The following SMARCAL1 variants were observed in gnomAD, a reference collection of about 807,000 sequenced individuals.
SMARCAL1 encodes ATP-driven annealing helicase.
SMARCAL1 carries 58 observed loss-of-function variants against 94.5 expected under a neutral mutation model. The observed-to-expected ratio is 0.61, with a 90% CI of 0.50 to 0.76. The LOEUF (loss-of-function observed/expected upper bound fraction) is 0.76. SMARCAL1 is among the 30% of genes least tolerant of loss of function. SMARCAL1 has a pLI of 0.00. For synonymous variants in SMARCAL1, 422 were observed against 455.1 expected, an observed-to-expected ratio of 0.93 and a Z score of 0.93; for missense variants, 1,051 against 1,177.9, an observed-to-expected ratio of 0.89 and a Z score of 1.58.
At chr2:216,449,084 C>T (rs966266424) in intron 11 of SMARCAL1, among the ~76,000 whole-genome samples, 7 of 152,170 alleles carry the variant, frequency 4.6e-5, no homozygotes, top group African/African-American at 1.7e-4. Flanking sequence ...TCTTGCTCTT[C>T]ATAACATGGC....
At chr2:216,459,425 C>T (rs1260788889) in intron 12 of SMARCAL1, among the ~76,000 whole-genome samples, 2 of 152,224 alleles carry the variant, frequency 1.3e-5, no homozygotes, top group Admixed American at 6.5e-5. Flanking sequence ...CACTACCTGA[C>T]TTCAAACTAT....
At chr2:216,478,039 A>AG (rs924130626) in intron 16 of SMARCAL1, among the ~76,000 whole-genome samples, 164 bp from the exon 17 acceptor site, 1 of 152,132 alleles carries the variant, frequency 6.6e-6, no homozygotes, top group African/African-American at 2.4e-5. Flanking sequence ...TACAAATGAG[A>AG]GGGGGCAAAT....
intron 4 of SMARCAL1, 45 bp downstream of exon 4, chr2:216,416,352 G>T: frequency 1.3e-6 from 2 of 1,527,608 alleles, no homozygotes; most frequent in South Asian, 2.2e-5. Flanking sequence ...CACTGGTGCT[G>T]AAAATCTTTA....
chr2:216,466,113 G>C (rs551970366), intron 13 of SMARCAL1, among the ~76,000 whole-genome samples: 1 of 152,286 alleles, frequency 6.6e-6, no homozygotes, highest in Admixed American at 6.5e-5. Flanking sequence ...TGGCAAGGGT[G>C]TGCGTTTCTC....
intron 10 of SMARCAL1, 73 bp downstream of exon 10, chr2:216,438,558 C>A: frequency 7.6e-7 from 1 of 1,316,888 alleles, no homozygotes. Flanking sequence ...TGCATGTCGT[C>A]CTAGTCCAGC....
chr2:216,426,455 T>A (rs1206578756), intron 6 of SMARCAL1, among the ~76,000 whole-genome samples: 1 of 152,170 alleles, frequency 6.6e-6, no homozygotes, highest in African/African-American at 2.4e-5. Flanking sequence ...TGGCCACAAA[T>A]AAGATTTTGC....
Position 216,414,654 on chromosome 2 carries a change from C to T in SMARCAL1, c.-51C>T. On this transcript the variant is annotated 5_prime_UTR_variant, in exon 3 of 18. It introduces an in-frame stop codon into an upstream open reading frame of the 5' UTR. Transcript: ENST00000357276. ...TCTTACTTTCTTCCACAGCTTTTGCCAACTTTCCAATTAAAGGTTGACATT... is the reference window on the plus strand; with the variant it reads ...TCTTACTTTCTTCCACAGCTTTTGCTAACTTTCCAATTAAAGGTTGACATT... 5.8e-6 allele frequency: 9 copies of T among 1,540,110 alleles called. No homozygotes were observed. The highest frequency in any genetic ancestry group is 8.1e-6 in the Non-Finnish European group (9 of 1,113,132).
Position 216,475,289 on chromosome 2 carries a change from C to T in SMARCAL1, c.2265C>T (p.Ile755=), listed in dbSNP as rs962202326. The part of the protein sequence containing the change: ...LERKHVQHIR[I]DGSTSSAERE... Reference sequence around the variant, plus strand: ...TGCAGCACGTGCAGCACATCCGCATCGATGGCTCCACCTCATCAGCTGAGC... The same window carrying T: ...TGCAGCACGTGCAGCACATCCGCATTGATGGCTCCACCTCATCAGCTGAGC... Residue 755 remains isoleucine, a synonymous_variant, in exon 15 of 18, where the codon ATC becomes ATT. Transcript: ENST00000357276. This position sits in a 1 kb window ranked among gnomAD's most constrained non-coding sequence, Gnocchi z 4.4. 12 of 1,614,204 alleles carry T rather than the reference C, an allele frequency of 7.4e-6. No homozygotes were observed. The highest frequency in any genetic ancestry group is 5.0e-5 in the Admixed American group (3 of 60,024).
intron 4 of SMARCAL1, among the ~76,000 whole-genome samples, chr2:216,416,985 C>T (rs1233147770): frequency 6.6e-6 from 1 of 152,226 alleles, no homozygotes; most frequent in Admixed American, 6.5e-5. Flanking sequence ...AGCTTGCACA[C>T]CTGTGTCAAA....
At position 216,475,556 on chromosome 2, in the gene SMARCAL1, C is replaced by T. The variant is rs1695056818; in HGVS notation, c.2427+105C>T. ...AAGTGTGGTTTCCCTTTTATCCATT[C>T]ATTATACTTCCCACAAGTCAGTTTT... is the stretch of plus-strand genomic sequence containing the variant. On this transcript the variant is annotated intron_variant, in intron 15 of 17. Transcript: ENST00000357276. This position sits in a 1 kb window ranked among gnomAD's most constrained non-coding sequence, Gnocchi z 4.4. The T allele has an allele frequency of 2.7e-6, 3 of 1,127,766 alleles. No homozygotes were observed. Among genetic ancestry groups the T allele is most frequent in the South Asian group, 2.5e-5 (2 of 79,830 alleles). 69.9% of individuals were successfully genotyped at this position (1,127,766 alleles called of 1,614,324 possible).
chr2:216,464,721 A>C, intron 13 of SMARCAL1, 54 bp downstream of exon 13: 3 of 1,234,914 alleles, frequency 2.4e-6, no homozygotes, highest in African/African-American at 1.6e-5. Context: ...AAAAAAAAAA[A>C]AACAACTTAT....
At chr2:216,472,780 T>C (rs1694995142) in intron 14 of SMARCAL1, among the ~76,000 whole-genome samples, 1 of 113,252 alleles carries the variant, frequency 8.8e-6, no homozygotes, top group Non-Finnish European at 1.9e-5. Flanking sequence ...TAGTGAAAAA[T>C]AAAATTTTTT....
chr2:216,414,655 A>G lies in SMARCAL1; in HGVS notation c.-50A>G. Reference sequence around the variant, plus strand: ...CTTACTTTCTTCCACAGCTTTTGCCAACTTTCCAATTAAAGGTTGACATTC... The same window carrying G: ...CTTACTTTCTTCCACAGCTTTTGCCGACTTTCCAATTAAAGGTTGACATTC... On this transcript the variant is annotated 5_prime_UTR_variant, in exon 3 of 18. Coordinates refer to ENST00000357276, the MANE Select transcript of SMARCAL1 (RefSeq NM_014140.4). 1 of 1,546,360 alleles carries G rather than the reference A, an allele frequency of 6.5e-7. No homozygotes were observed.
At chr2:216,420,692 A>G (rs1237142674) in intron 5 of SMARCAL1, among the ~76,000 whole-genome samples, 160 bp downstream of exon 5, 1 of 152,226 alleles carries the variant, frequency 6.6e-6, no homozygotes, top group Admixed American at 6.5e-5. Context: ...TAATTGTTCC[A>G]GATAGTAAAC....
At chr2:216,477,055 T>C in intron 15 of SMARCAL1, 54 bp from the exon 16 acceptor site, 1 of 1,408,768 alleles carries the variant, frequency 7.1e-7, no homozygotes, top group South Asian at 1.2e-5. Context: ...CCTGCTATGG[T>C]GGATGGAACT....
In SMARCAL1 at chr2:216,414,955, A is replaced by G. The variant is rs1384951552; in HGVS notation, c.251A>G (p.Gln84Arg). ...QNLSSSSNADQRPHDSHSFQA... is the reference protein window; with the variant it reads ...QNLSSSSNADRRPHDSHSFQA... ...CTCAGTAGCTCATCTAATGCTGACC[A>G]AAGACCTCATGATTCCCACAGTTTT... Residue 84 changes from glutamine (Q) to arginine (R), a missense_variant, in exon 3 of 18, where the codon CAA (glutamine) becomes CGA (arginine). Physicochemically the swap from Gln to Arg is conservative, Grantham distance 43. Transcript: ENST00000357276. 4.3e-6 allele frequency: 7 copies of G among 1,614,232 alleles called. 1 individual carries two copies. The Admixed American group carries it at 1.2e-4, about 27-fold the overall frequency.
intron 12 of SMARCAL1, among the ~76,000 whole-genome samples, chr2:216,453,778 T>C (rs1057114483): frequency 1.3e-5 from 2 of 152,244 alleles, no homozygotes; most frequent in Non-Finnish European, 2.9e-5. Flanking sequence ...TCATGGTGAC[T>C]CCAGCCAAGC....
At chr2:216,468,078 C>T in intron 14 of SMARCAL1, 32 bp downstream of exon 14, 1 of 1,476,750 alleles carries the variant, frequency 6.8e-7, no homozygotes. Flanking sequence ...CCATGGGCTA[C>T]TTTTGCCATG....
intron 4 of SMARCAL1, among the ~76,000 whole-genome samples, chr2:216,416,605 T>G (rs778477749): frequency 6.6e-5 from 10 of 152,228 alleles, no homozygotes; most frequent in Non-Finnish European, 1.5e-4. Context: ...ATGGGGAAAC[T>G]GAGGCCCAGG....
Sources: allele counts gnomAD v4.1 joint callset (sites outside exome capture counted in the v4.1 genomes callset), GRCh38; gene constraint gnomAD v4.1.1; non-coding constraint Gnocchi (gnomAD v3.1); transcripts MANE v1.5; gene names NCBI Gene and HGNC (gene_info 2026-07-23, HGNC 2026-07-21).